GRID1: variants seen among roughly 807,000 people sequenced by gnomAD.
GRID1 encodes the protein glutamate ionotropic receptor delta type subunit 1.
In GRID1, 28 loss-of-function variants were observed where a neutral mutation model predicts 98.0. The ratio of observed to expected loss-of-function variants is 0.29; its 90% CI spans 0.21 to 0.39. The LOEUF (loss-of-function observed/expected upper bound fraction) is 0.39, where lower values mean the gene tolerates loss of function less well. Among genes scored for constraint, GRID1 ranks in the 10% least tolerant of loss-of-function variants. The pLI, the probability that GRID1 is intolerant of heterozygous loss-of-function variation, is 1.00. For missense variants in GRID1, 1,111 were observed against 1,340.5 expected (o/e 0.83, Z 2.67); for synonymous variants, 553 against 538.5 (o/e 1.03, Z -0.37).
intron 8 of GRID1, among the ~76,000 whole-genome samples, chr10:85,761,543 C>G (rs929537574): frequency 6.6e-6 from 1 of 152,202 alleles, no homozygotes; most frequent in African/African-American, 2.4e-5. Context: ...AGCAATTACA[C>G]CGTTGTGCTG....
chr10:85,654,372 G>A (rs536740793), intron 12 of GRID1, among the ~76,000 whole-genome samples: 1 of 152,218 alleles, frequency 6.6e-6, no homozygotes, highest in East Asian at 1.9e-4. Context: ...AAAAGTAAAA[G>A]GGATAAGCAG....
intron 8 of GRID1, among the ~76,000 whole-genome samples, chr10:85,830,226 T>C (rs1398153031): frequency 6.6e-6 from 1 of 152,106 alleles, no homozygotes; most frequent in African/African-American, 2.4e-5. Flanking sequence ...TCCTATTCAA[T>C]AAATGGTGCT....
rs756647756 is a variant in GRID1 at position 85,723,193 on chromosome 10, A to G, written c.1859-52T>C. 3.9e-6 allele frequency: 6 copies of G among 1,537,546 alleles called. No individual in the cohort carries two copies. The African/African-American group carries it at 4.1e-5, about 10-fold the overall frequency. On this transcript the variant is annotated intron_variant, in intron 11 of 15. Transcript: ENST00000327946. ...GCCAGTGGCTTCTGCTCTCCCTCCT[A>G]TCCCCAGGGAGGTGTTCTGCCCTGC...
chr10:85,865,222 C>T (rs1294793759), intron 6 of GRID1, among the ~76,000 whole-genome samples: 2 of 152,162 alleles, frequency 1.3e-5, no homozygotes, highest in African/African-American at 4.8e-5. Flanking sequence ...AACAACAGTG[C>T]TGCATGCTGG....
chr10:85,991,737 A>C (rs1254809803), intron 4 of GRID1, among the ~76,000 whole-genome samples: 1 of 152,210 alleles, frequency 6.6e-6, no homozygotes, highest in East Asian at 1.9e-4. Flanking sequence ...AGCCCTGACA[A>C]AGGTCATTTC....
chr10:85,741,961 C>A (rs1018785414), intron 8 of GRID1, among the ~76,000 whole-genome samples: 1 of 152,196 alleles, frequency 6.6e-6, no homozygotes, highest in Non-Finnish European at 1.5e-5. Context: ...TCTTTCTCAT[C>A]TGGTGGGTCT....
At chr10:85,667,182 T>A (rs149561028) in intron 12 of GRID1, among the ~76,000 whole-genome samples, 1 of 152,130 alleles carries the variant, frequency 6.6e-6, no homozygotes, top group African/African-American at 2.4e-5. Context: ...TGCACCCACA[T>A]CTAGCACATG....
intron 4 of GRID1, among the ~76,000 whole-genome samples, chr10:86,044,642 G>C (rs150191278): frequency 6.6e-6 from 1 of 152,282 alleles, no homozygotes; most frequent in African/African-American, 2.4e-5. Context: ...GCCGTTACAG[G>C]GTCCCCCATG....
intron 12 of GRID1, among the ~76,000 whole-genome samples, chr10:85,667,281 G>A (rs942757068): frequency 1.1e-4 from 17 of 151,212 alleles, no homozygotes; most frequent in African/African-American, 2.0e-4. Flanking sequence ...CAGGCATTCT[G>A]ATATGTAGCA....
chr10:85,796,542 G>C (rs943287420), intron 8 of GRID1, among the ~76,000 whole-genome samples: 1 of 152,072 alleles, frequency 6.6e-6, no homozygotes, highest in Non-Finnish European at 1.5e-5. Flanking sequence ...GATATAAAAG[G>C]CTCAGAAATA....
In GRID1 at chr10:86,190,552, C is replaced by T. The variant is rs377414757; in HGVS notation, c.520+15812G>A. On this transcript the variant is annotated intron_variant, in intron 3 of 15. Transcript: ENST00000327946. ...AAGACCTGGTTAGGTCCCAGATGAACCAAAGGCACCCCTGACATGCCCATC... is the reference window on the plus strand; with the variant it reads ...AAGACCTGGTTAGGTCCCAGATGAATCAAAGGCACCCCTGACATGCCCATC... Among the ~76,000 whole-genome samples, 9 of 152,320 alleles carry T rather than the reference C, an allele frequency of 5.9e-5. 1 individual carries two copies. In the South Asian group the frequency reaches 1.9e-3, roughly 32 times the overall value.
chr10:85,621,153 G>C (rs895224120), intron 13 of GRID1, among the ~76,000 whole-genome samples: 2 of 152,172 alleles, frequency 1.3e-5, no homozygotes, highest in Non-Finnish European at 2.9e-5. Flanking sequence ...TTAAAACAAA[G>C]TAGAATGTTC....
rs73340503 is a variant in GRID1, at chr10:85,857,510, C to T, written c.952-1320G>A. ...CTCGGATGTCACCTTCACACCACCC[C>T]AGCCCTCCATGGGGACATTGGAGCA... On this transcript the variant is annotated intron_variant, in intron 6 of 15. Transcript: ENST00000327946. Among the ~76,000 whole-genome samples, 824 of 152,144 alleles carry T rather than the reference C, an allele frequency of 5.4e-3. 6 individuals carry two copies. Among genetic ancestry groups the T allele is most frequent in the African/African-American group, 0.019 (777 of 41,500 alleles).
intron 2 of GRID1, among the ~76,000 whole-genome samples, chr10:86,345,104 C>T (rs1043594666): frequency 6.6e-6 from 1 of 152,204 alleles, no homozygotes; most frequent in Non-Finnish European, 1.5e-5. Context: ...CTTCCTCTTC[C>T]CTTGGCACAT....
intron 12 of GRID1, among the ~76,000 whole-genome samples, chr10:85,717,588 T>C (rs186161537): frequency 2.0e-3 from 309 of 152,244 alleles, no homozygotes; most frequent in Middle Eastern, 3.4e-3. Flanking sequence ...CAAGCTGAGA[T>C]TTGGATGGAG....
At chr10:85,788,026 G>C (rs112283014) in intron 8 of GRID1, among the ~76,000 whole-genome samples, 15 of 150,478 alleles carry the variant, frequency 1.0e-4, no homozygotes, top group Admixed American at 8.6e-4. Flanking sequence ...CTAACTCATC[G>C]GTCACCCTCT....
chr10:85,983,624 G>A (rs772883433), intron 4 of GRID1, among the ~76,000 whole-genome samples: 1 of 152,188 alleles, frequency 6.6e-6, no homozygotes, highest in Non-Finnish European at 1.5e-5. Context: ...ACAAGTCCCA[G>A]TTGCCCATCC....
intron 8 of GRID1, among the ~76,000 whole-genome samples, chr10:85,798,847 T>C (rs937168915): frequency 1.3e-5 from 2 of 152,164 alleles, no homozygotes; most frequent in Admixed American, 1.3e-4. Context: ...TGTGCAGCTT[T>C]TTAGTTTGAT....
At chr10:85,716,543 C>T (rs962041473) in intron 12 of GRID1, among the ~76,000 whole-genome samples, 2 of 150,326 alleles carry the variant, frequency 1.3e-5, no homozygotes, top group South Asian at 2.1e-4. Context: ...CACATGTACC[C>T]TAAAACTTAA....
Sources: gnomAD v4.1 joint callset for allele counts (sites outside exome capture counted in the v4.1 genomes callset) on GRCh38, gnomAD v4.1.1 for gene constraint, MANE v1.5 for transcripts, NCBI Gene and HGNC (gene_info 2026-07-23, HGNC 2026-07-21) for gene names.